The following MCTP1 variants were observed in gnomAD, a reference collection of about 807,000 sequenced individuals.
The protein encoded by MCTP1 is multiple C2 and transmembrane domain containing 1, also known as multiple C2 and transmembrane domain-containing protein 1.
A neutral mutation model predicts 120.6 loss-of-function variants in MCTP1; 69 were observed. That is an observed-to-expected ratio of 0.57 (90% CI 0.47 to 0.70). The LOEUF (loss-of-function observed/expected upper bound fraction) is 0.70, where lower values mean the gene tolerates loss of function less well. Ranked by LOEUF, MCTP1 falls within the 30% of genes least tolerant of loss-of-function variation. MCTP1 has a pLI of 0.00. For synonymous variants in MCTP1, 529 were observed against 493.1 expected (o/e 1.07, Z -0.96); for missense variants, 1,203 against 1,248.8 (o/e 0.96, Z 0.55).
intron 11 of MCTP1, among the ~76,000 whole-genome samples, chr5:94,892,182 G>C (rs1014059161): frequency 6.6e-6 from 1 of 152,088 alleles, no homozygotes; most frequent in Non-Finnish European, 1.5e-5. Context: ...CTCTGTTATG[G>C]AGAAAATTAA....
chr5:95,271,221 T>C (rs1214314522), intron 1 of MCTP1, among the ~76,000 whole-genome samples: 2 of 152,134 alleles, frequency 1.3e-5, no homozygotes, highest in Non-Finnish European at 2.9e-5. Flanking sequence ...AGTAATAAAA[T>C]AGTGTAAGAA....
intron 1 of MCTP1, among the ~76,000 whole-genome samples, chr5:95,043,240 ATT>A (rs539338483): frequency 7.2e-5 from 11 of 152,202 alleles, no homozygotes; most frequent in Non-Finnish European, 1.5e-4. Context: ...TATTATTTGC[ATT>A]TCTAAAACAT....
intron 2 of MCTP1, among the ~76,000 whole-genome samples, chr5:95,016,555 T>G (rs965444630): frequency 1.6e-4 from 24 of 151,966 alleles, no homozygotes; most frequent in Admixed American, 8.5e-4. Flanking sequence ...CTCTCAGGGT[T>G]GTCTGACAAT....
chr5:94,847,417 G>C (rs1254729646), intron 17 of MCTP1, among the ~76,000 whole-genome samples: 1 of 151,950 alleles, frequency 6.6e-6, no homozygotes, highest in Non-Finnish European at 1.5e-5. Context: ...GTTTCTAAGA[G>C]TATTTCTACA....
intron 17 of MCTP1, among the ~76,000 whole-genome samples, chr5:94,802,213 T>C (rs1781373209): frequency 1.3e-5 from 2 of 152,194 alleles, no homozygotes. Context: ...TTTTAAAACA[T>C]GAGAGCTTTG....
intron 12 of MCTP1, among the ~76,000 whole-genome samples, chr5:94,883,494 T>G (rs570501353): frequency 6.6e-6 from 1 of 152,234 alleles, no homozygotes; most frequent in African/African-American, 2.4e-5. Flanking sequence ...TAAGAAACTA[T>G]GACTATTTGC....
At position 94,854,040 on chromosome 5, in the gene MCTP1, G is replaced by A. The variant is rs142145779; in HGVS notation, c.2436+14293C>T. On this transcript the variant is annotated intron_variant, in intron 17 of 22. Coordinates refer to ENST00000515393, the MANE Select transcript of MCTP1 (RefSeq NM_024717.7). ...ACATGCCCAGACAGGTGTCTGGGAG[G>A]TGGACTGGAGGAAGATGAAGATGGG... 4.3e-3 allele frequency among the ~76,000 whole-genome samples: 648 copies of A among 151,890 alleles called. 1 individual carries two copies. The highest frequency in any genetic ancestry group is 0.014 in the African/African-American group (601 of 41,490).
At chr5:95,026,556 C>T (rs1288994882) in intron 1 of MCTP1, among the ~76,000 whole-genome samples, 4 of 152,232 alleles carry the variant, frequency 2.6e-5, no homozygotes, top group African/African-American at 9.6e-5. Context: ...TCTTTCTGTG[C>T]CCGGCTTATT....
intron 20 of MCTP1, among the ~76,000 whole-genome samples, chr5:94,712,392 A>G (rs1000288137): frequency 6.7e-6 from 1 of 148,908 alleles, no homozygotes; most frequent in African/African-American, 2.5e-5. Flanking sequence ...ATTTCCTGGT[A>G]TTGTATATTG....
intron 9 of MCTP1, among the ~76,000 whole-genome samples, chr5:94,912,440 A>AC (rs1808924517): frequency 1.4e-5 from 1 of 69,824 alleles, no homozygotes; most frequent in African/African-American, 4.3e-5. Context: ...AAAAAAAAAA[A>AC]AAAAAAAAAA....
intron 12 of MCTP1, among the ~76,000 whole-genome samples, chr5:94,875,602 C>G (rs1036555226): frequency 2.6e-5 from 4 of 151,926 alleles, no homozygotes; most frequent in Non-Finnish European, 5.9e-5. Context: ...TTGCAATAAT[C>G]TAGGTGGTGG....
At chr5:94,711,910 C>T (rs1757176494) in intron 20 of MCTP1, among the ~76,000 whole-genome samples, 1 of 152,076 alleles carries the variant, frequency 6.6e-6, no homozygotes, top group East Asian at 1.9e-4. Flanking sequence ...TCTGGTACTT[C>T]TTAAGAGTGT....
chr5:94,867,131 G>A (rs2153275378), intron 17 of MCTP1: 2 of 1,027,460 alleles, frequency 1.9e-6, no homozygotes, highest in South Asian at 5.3e-5. Flanking sequence ...GGAAAAATCA[G>A]AATAAAGTTT....
chr5:95,099,173 A>G (rs1474627948), intron 1 of MCTP1, among the ~76,000 whole-genome samples: 1 of 152,214 alleles, frequency 6.6e-6, no homozygotes, highest in Non-Finnish European at 1.5e-5. Flanking sequence ...AAAACCCTAG[A>G]AGAAAACCTA....
At chr5:94,967,564 G>T (rs762400450) in intron 2 of MCTP1, among the ~76,000 whole-genome samples, 26 of 152,188 alleles carry the variant, frequency 1.7e-4, no homozygotes, top group Non-Finnish European at 3.4e-4. Flanking sequence ...ATGGCTTGAA[G>T]AAGTAAAATG....
chr5:95,159,927 CAA>C (rs2152472381), intron 1 of MCTP1, among the ~76,000 whole-genome samples: 1 of 152,042 alleles, frequency 6.6e-6, no homozygotes, highest in Admixed American at 6.6e-5. Flanking sequence ...AAACCATATG[CAA>C]AAGAGTCAAC....
chr5:94,916,817 C>A (rs1810189118), intron 8 of MCTP1, among the ~76,000 whole-genome samples: 1 of 152,200 alleles, frequency 6.6e-6, no homozygotes. Context: ...GGGAGTGGAG[C>A]CAGGCATTCT....
intron 9 of MCTP1, among the ~76,000 whole-genome samples, chr5:94,910,226 ATATG>A (rs926754911): frequency 1.3e-4 from 20 of 151,458 alleles, no homozygotes; most frequent in East Asian, 9.7e-4. Flanking sequence ...GTGTATACAT[ATATG>A]TATGTATGTA....
chr5:94,787,693 T>G (rs1478219225), intron 18 of MCTP1, among the ~76,000 whole-genome samples: 2 of 151,576 alleles, frequency 1.3e-5, no homozygotes, highest in African/African-American at 2.4e-5. Context: ...CTCGGCTCAC[T>G]GCAAGCTCCG....
Sources: gnomAD v4.1 joint callset for allele counts (sites outside exome capture counted in the v4.1 genomes callset) on GRCh38, gnomAD v4.1.1 for gene constraint, MANE v1.5 for transcripts, NCBI Gene and HGNC (gene_info 2026-07-23, HGNC 2026-07-21) for gene names.